Variants in RPGRIP1L observed in about 807,000 individuals in gnomAD.
RPGRIP1L encodes RPGRIP1 like, also known as protein fantom.
RPGRIP1L carries 131 observed loss-of-function variants against 160.4 expected under a neutral mutation model. That is an observed-to-expected ratio of 0.82 (90% CI 0.71 to 0.94). The LOEUF (loss-of-function observed/expected upper bound fraction) is 0.94. RPGRIP1L is among the 40% of genes least tolerant of loss of function. The pLI is 0.00. For missense variants in RPGRIP1L, 1,522 were observed against 1,535.8 expected, an observed-to-expected ratio of 0.99 and a Z score of 0.15; for synonymous variants, 510 against 515.8, an observed-to-expected ratio of 0.99 and a Z score of 0.15.
At chr16:53,672,604 G>C (rs142064435) in intron 8 of RPGRIP1L, among the ~76,000 whole-genome samples, 231 of 152,178 alleles carry the variant, frequency 1.5e-3, no homozygotes, top group African/African-American at 5.3e-3. Flanking sequence ...AGGTAATCTG[G>C]CATCAGTTTC....
chr16:53,636,598 C>A (rs1483939427), intron 21 of RPGRIP1L, 86 bp from the exon 22 acceptor site: 2 of 904,632 alleles, frequency 2.2e-6, no homozygotes, highest in Admixed American at 3.7e-5. Context: ...CAAGCACACA[C>A]CATAAGATAA....
chr16:53,637,278 G>A (rs930163269), intron 21 of RPGRIP1L, among the ~76,000 whole-genome samples: 1 of 151,972 alleles, frequency 6.6e-6, no homozygotes, highest in Non-Finnish European at 1.5e-5. Context: ...CTTCCCTTCT[G>A]CCCCTCCCCA....
chr16:53,660,241 C>G (rs1967657054), intron 10 of RPGRIP1L, among the ~76,000 whole-genome samples: 1 of 152,136 alleles, frequency 6.6e-6, no homozygotes, highest in African/African-American at 2.4e-5. Context: ...AACTCTAAGC[C>G]ATGTCATCTA....
intron 15 of RPGRIP1L, 50 bp downstream of exon 15, chr16:53,652,485 A>G (rs765800550): frequency 6.3e-6 from 9 of 1,433,532 alleles, no homozygotes; most frequent in Non-Finnish European, 8.8e-6. Flanking sequence ...ATAACGATAT[A>G]TAAACCAAAT....
At chr16:53,651,402 GAC>G (rs1567838612) in intron 15 of RPGRIP1L, among the ~76,000 whole-genome samples, 2 of 152,116 alleles carry the variant, frequency 1.3e-5, no homozygotes, top group African/African-American at 4.8e-5. Context: ...GCCTGCTTCA[GAC>G]TATTCTTTCC....
intron 14 of RPGRIP1L, chr16:53,653,255 A>C: frequency 5.5e-6 from 5 of 917,204 alleles, no homozygotes; most frequent in Non-Finnish European, 6.5e-6. Context: ...TCAAAAGAAG[A>C]AAAGCGCTCT....
In RPGRIP1L at chr16:53,610,963, A is replaced by G. The variant is rs767564258; in HGVS notation, c.3701+4T>C. 1.9e-6 allele frequency: 3 copies of G among 1,596,582 alleles called. No individual in the cohort carries two copies. In the Admixed American group the frequency reaches 5.0e-5, roughly 27 times the overall value. ...ATTAGATTATTTGGACTGCCAAAAC[A>G]TACCTTCTATTAGGCATCTCTTGTT... is the stretch of plus-strand genomic sequence containing the variant. On this transcript the variant is annotated splice_donor_region_variant and intron_variant, in intron 25 of 26. Transcript: ENST00000647211.
intron 14 of RPGRIP1L, among the ~76,000 whole-genome samples, chr16:53,655,813 G>A (rs556518840): frequency 2.6e-4 from 40 of 152,286 alleles, no homozygotes; most frequent in African/African-American, 9.1e-4. Context: ...AAAAATCACT[G>A]TAAGGACATT....
chr16:53,658,852 T>A lies in RPGRIP1L; in HGVS notation c.1270A>T (p.Asn424Tyr). 6.2e-7 allele frequency: 1 copy of A among 1,605,316 alleles called. No homozygotes were observed. Among genetic ancestry groups the A allele is most frequent in the Non-Finnish European group, 8.5e-7 (1 of 1,174,062 alleles). The change falls in exon 11 of 27, where the codon AAT becomes TAT. Residue 424 changes from asparagine (N) to tyrosine (Y), a missense_variant. Transcript: ENST00000647211. Reference sequence around the variant, plus strand: ...AGATACTGTAACTGTAGTTCTCTATTCTCTTGAACGAGTTTTTCATTTTGA... The same window carrying A: ...AGATACTGTAACTGTAGTTCTCTATACTCTTGAACGAGTTTTTCATTTTGA... ...RDQNEKLVQE[N>Y]RELQLQYLEQ...
chr16:53,638,948 G>C (rs1966022308), intron 19 of RPGRIP1L, among the ~76,000 whole-genome samples: 1 of 151,372 alleles, frequency 6.6e-6, no homozygotes, highest in Admixed American at 6.6e-5. Flanking sequence ...CTGAGTTTTA[G>C]ATTTGGGAAC....
At chr16:53,641,512 G>A (rs763596128) in intron 17 of RPGRIP1L, 37 bp from the exon 18 acceptor site, 10 of 1,548,916 alleles carry the variant, frequency 6.5e-6, no homozygotes, top group Non-Finnish European at 8.9e-6. Context: ...ATGCTAGAGT[G>A]AAGTTTTATT....
intron 14 of RPGRIP1L, chr16:53,653,368 C>T: frequency 9.5e-7 from 1 of 1,053,806 alleles, no homozygotes; most frequent in South Asian, 3.3e-5. Context: ...TCTGCTGCCT[C>T]CTTTCCTTTA....
At chr16:53,656,393 C>A in intron 14 of RPGRIP1L, 79 bp downstream of exon 14, 1 of 943,082 alleles carries the variant, frequency 1.1e-6, no homozygotes, top group Non-Finnish European at 1.8e-6. Flanking sequence ...ACTGTAAGTG[C>A]AGATTTGGAT....
intron 14 of RPGRIP1L, chr16:53,653,242 A>G: frequency 1.1e-6 from 1 of 874,808 alleles, no homozygotes; most frequent in South Asian, 5.3e-5. Flanking sequence ...GGGGAGAAAA[A>G]TATCAAAAGA....
chr16:53,649,747 A>G (rs142110360), intron 15 of RPGRIP1L, among the ~76,000 whole-genome samples: 1,726 of 152,214 alleles, frequency 0.011, 30 homozygotes, highest in African/African-American at 0.039. Flanking sequence ...GGCTCCCAGG[A>G]GAGTAGAGCC....
chr16:53,605,393 T>C (rs1963613699), intron 26 of RPGRIP1L, 88 bp downstream of exon 26: 1 of 1,494,068 alleles, frequency 6.7e-7, no homozygotes, highest in South Asian at 1.1e-5. Context: ...CTCAGCACCC[T>C]TGGAGCCAGC....
Position 53,636,483 on chromosome 16 carries a change from C to T in RPGRIP1L, c.3250G>A (p.Asp1084Asn), listed in dbSNP as rs747472740. 6.2e-7 allele frequency: 1 copy of T among 1,612,616 alleles called. No individual in the cohort carries two copies. The highest frequency in any genetic ancestry group is 1.1e-5 in the South Asian group (1 of 91,048). Residue 1084 changes from aspartate (D) to asparagine (N), a missense_variant, in exon 22 of 27, where the codon GAT (aspartate) becomes AAT (asparagine). Transcript: ENST00000647211. ...ATAGGACCTGGAATAATACAGTCAT[C>T]ACTGTCAGAAGCTGACATGTCCTCT... Reference protein sequence around the residue: ...VEEDMSASDSDDCIIPGPISK... With the variant: ...VEEDMSASDSNDCIIPGPISK...
At chr16:53,696,865 T>C (rs1471862953) in intron 2 of RPGRIP1L, among the ~76,000 whole-genome samples, 1 of 152,178 alleles carries the variant, frequency 6.6e-6, no homozygotes, top group Non-Finnish European at 1.5e-5. Flanking sequence ...CTCTTTAGCA[T>C]GTGTTTATGA....
intron 14 of RPGRIP1L, chr16:53,653,660 T>A (rs1248038349): frequency 6.6e-6 from 1 of 152,282 alleles, no homozygotes; most frequent in African/African-American, 2.4e-5. Context: ...GACTTCCATG[T>A]ATGTCATCAT....
Sources: gnomAD v4.1 joint callset for allele counts (sites outside exome capture counted in the v4.1 genomes callset) on GRCh38, gnomAD v4.1.1 for gene constraint, MANE v1.5 for transcripts, NCBI Gene and HGNC (gene_info 2026-07-23, HGNC 2026-07-21) for gene names.